The following RIN3 variants were observed in gnomAD, a reference collection of about 807,000 sequenced individuals.
RIN3 encodes RAB5 interacting protein 3.
Under a neutral mutation model 76.3 loss-of-function variants are expected in RIN3, and 54 were observed. That is an observed-to-expected ratio of 0.71 (90% CI 0.57 to 0.89). The LOEUF (loss-of-function observed/expected upper bound fraction) is 0.89, where lower values mean the gene tolerates loss of function less well. Ranked by LOEUF, RIN3 falls within the 40% of genes least tolerant of loss-of-function variation. The pLI is 0.00. For missense variants in RIN3, 1,256 were observed against 1,322.1 expected, an observed-to-expected ratio of 0.95 and a Z score of 0.78; for synonymous variants, 576 against 564.0, an observed-to-expected ratio of 1.02 and a Z score of -0.30.
chr14:92,561,042 A>AAAAAAATAT (rs1897751733), intron 2 of RIN3, among the ~76,000 whole-genome samples: 1 of 19,364 alleles, frequency 5.2e-5, no homozygotes, highest in African/African-American at 1.7e-4. Flanking sequence ...AAAAAAAAAA[A>AAAAAAATAT]AAATATATAT....
At chr14:92,644,066 C>G (rs1197020778) in intron 5 of RIN3, among the ~76,000 whole-genome samples, 2 of 152,030 alleles carry the variant, frequency 1.3e-5, no homozygotes, top group Non-Finnish European at 2.9e-5. Flanking sequence ...CTCCTTTTCC[C>G]TGAAGAAATC....
At chr14:92,557,750 T>G (rs1260892179) in intron 2 of RIN3, among the ~76,000 whole-genome samples, 1 of 152,212 alleles carries the variant, frequency 6.6e-6, no homozygotes, top group East Asian at 1.9e-4. Flanking sequence ...CAGGGTCTCC[T>G]GCCAGTGGGT....
chr14:92,687,612 GGAATGAAT>G (rs769566189), intron 9 of RIN3: 5 of 414,850 alleles, frequency 1.2e-5, no homozygotes, highest in Non-Finnish European at 1.7e-5. Flanking sequence ...AGGGAGGGAG[GGAATGAAT>G]GAATGAATGA....
At position 92,515,349 on chromosome 14, in the gene RIN3, G is replaced by A. The variant is rs1346262963; in HGVS notation, c.44+1373G>A. 1.9e-5 allele frequency: 13 copies of A among 674,306 alleles called. No homozygotes were observed. The East Asian group carries it at 1.9e-4, about 10-fold the overall frequency. The allele number at this position is 674,306 out of a possible 1,614,324, so 41.8% of individuals were successfully genotyped here. ...GAGAGGAGTTTCTCAGGGAGGAAGG[G>A]GAGGTGAGGGGCCAGGGCGCTGGCC... On this transcript the variant is annotated intron_variant, in intron 1 of 9. Coordinates refer to ENST00000216487, the MANE Select transcript of RIN3 (RefSeq NM_024832.5).
intron 1 of RIN3, among the ~76,000 whole-genome samples, chr14:92,526,519 C>T (rs1896736448): frequency 6.6e-6 from 1 of 151,560 alleles, no homozygotes; most frequent in African/African-American, 2.4e-5. Context: ...CTTTGGGAGG[C>T]CAAGACGGAT....
chr14:92,616,837 C>T (rs1885987810), intron 4 of RIN3, among the ~76,000 whole-genome samples: 1 of 152,156 alleles, frequency 6.6e-6, no homozygotes, highest in South Asian at 2.1e-4. Context: ...CCTATGCTGT[C>T]AAGAATGTTT....
At chr14:92,539,985 C>A (rs887192223) in intron 1 of RIN3, among the ~76,000 whole-genome samples, 19 of 152,216 alleles carry the variant, frequency 1.2e-4, no homozygotes, top group African/African-American at 4.6e-4. Flanking sequence ...CAGGCCTCCA[C>A]ACGTTGGGGT....
chr14:92,612,286 C>T (rs562392745), intron 3 of RIN3, among the ~76,000 whole-genome samples: 8 of 145,420 alleles, frequency 5.5e-5, no homozygotes, highest in South Asian at 4.6e-4. Flanking sequence ...GACACCCGGC[C>T]GGTGCAGTAC....
intron 1 of RIN3, among the ~76,000 whole-genome samples, chr14:92,528,410 T>C (rs1025530594): frequency 1.3e-5 from 2 of 152,168 alleles, no homozygotes; most frequent in African/African-American, 2.4e-5. Context: ...ATCTGTAAAA[T>C]GACAGCCTCT....
At chr14:92,659,034 CT>C (rs1887776167) in intron 6 of RIN3, 126 bp from the exon 7 acceptor site, 1 of 847,902 alleles carries the variant, frequency 1.2e-6, no homozygotes, top group East Asian at 2.4e-5. Flanking sequence ...CAGGGTATAA[CT>C]GCTGGGGCTG....
At chr14:92,519,422 C>G (rs1289146671) in intron 1 of RIN3, among the ~76,000 whole-genome samples, 1 of 152,160 alleles carries the variant, frequency 6.6e-6, no homozygotes, top group East Asian at 1.9e-4. Context: ...AGGCGGGGAG[C>G]CCTGGTGTGG....
chr14:92,552,410 C>T (rs1897452609), intron 1 of RIN3, among the ~76,000 whole-genome samples: 1 of 152,126 alleles, frequency 6.6e-6, no homozygotes, highest in Non-Finnish European at 1.5e-5. Context: ...TTTATTCTTG[C>T]CAAGGAAGCC....
At chr14:92,564,646 C>T (rs549462941) in intron 2 of RIN3, among the ~76,000 whole-genome samples, 146 of 152,268 alleles carry the variant, frequency 9.6e-4, no homozygotes, top group African/African-American at 3.2e-3. Context: ...TACCATTGCC[C>T]GCTGTTTTTT....
Position 92,652,150 on chromosome 14 carries a change from C to T in RIN3, c.1101C>T (p.Pro367=), listed in dbSNP as rs201810006. 3.6e-5 allele frequency: 57 copies of T among 1,603,366 alleles called. No individual in the cohort carries two copies. In the Admixed American group the frequency reaches 6.7e-4, roughly 19 times the overall value. ...EAMKPGAASS[P]LQQVPAPPLP... Reference sequence around the variant, plus strand: ...TGAAGCCAGGGGCAGCCTCCAGTCCCTTGCAGCAGGTCCCCGCCCCGCCAC... The same window carrying T: ...TGAAGCCAGGGGCAGCCTCCAGTCCTTTGCAGCAGGTCCCCGCCCCGCCAC... The change falls in exon 6 of 10, where the codon CCC becomes CCT. Residue 367 remains proline (P), a synonymous_variant. Coordinates refer to ENST00000216487, the MANE Select transcript of RIN3 (RefSeq NM_024832.5). This position sits in a 1 kb window ranked among gnomAD's most constrained non-coding sequence, Gnocchi z 6.4.
intron 2 of RIN3, among the ~76,000 whole-genome samples, chr14:92,567,624 ATTTT>A (rs34729914): frequency 5.2e-5 from 7 of 133,606 alleles, no homozygotes; most frequent in Admixed American, 7.6e-5. Context: ...CTTCTGCTGC[ATTTT>A]TTTTTTTTTT....
intron 1 of RIN3, among the ~76,000 whole-genome samples, chr14:92,545,106 G>GTTTTTTTTTTTTTTTTTT (rs540126016): frequency 1.2e-5 from 1 of 82,160 alleles, no homozygotes; most frequent in African/African-American, 5.0e-5. Context: ...ACTTTCTGGT[G>GTTTTTTTTTTTTTTTTTT]TTTTTTTTTT....
chr14:92,620,728 C>G (rs899545982), intron 4 of RIN3, among the ~76,000 whole-genome samples: 2 of 152,156 alleles, frequency 1.3e-5, no homozygotes, highest in African/African-American at 2.4e-5. Context: ...TTTTCCTACT[C>G]AATTTACCCT....
intron 3 of RIN3, among the ~76,000 whole-genome samples, chr14:92,579,278 G>A (rs539615478): frequency 3.9e-5 from 6 of 152,330 alleles, no homozygotes; most frequent in South Asian, 2.1e-4. Flanking sequence ...TTACAAAGGC[G>A]GCCTGGTCTC....
At chr14:92,525,439 G>A (rs1016383509) in intron 1 of RIN3, among the ~76,000 whole-genome samples, 1 of 152,156 alleles carries the variant, frequency 6.6e-6, no homozygotes, top group Non-Finnish European at 1.5e-5. Context: ...GAGAGATTGA[G>A]GGGAGGGAAG....
Sources: gnomAD v4.1 joint callset for allele counts (sites outside exome capture counted in the v4.1 genomes callset) on GRCh38, gnomAD v4.1.1 for gene constraint, Gnocchi (gnomAD v3.1) non-coding constraint, MANE v1.5 for transcripts, NCBI Gene and HGNC (gene_info 2026-07-23, HGNC 2026-07-21) for gene names.